PLXDC2: variants seen among roughly 807,000 people sequenced by gnomAD.
The protein encoded by PLXDC2 is plexin domain-containing protein 2.
PLXDC2 carries 40 observed loss-of-function variants against 68.9 expected under a neutral mutation model. That is an observed-to-expected ratio of 0.58 (90% CI 0.45 to 0.76). The LOEUF (loss-of-function observed/expected upper bound fraction) is 0.76. Ranked by LOEUF, PLXDC2 falls within the 30% of genes least tolerant of loss-of-function variation. PLXDC2 has a pLI of 0.00. For missense variants in PLXDC2, 644 were observed against 661.9 expected, an observed-to-expected ratio of 0.97 and a Z score of 0.30; for synonymous variants, 243 against 234.2, an observed-to-expected ratio of 1.04 and a Z score of -0.34.
chr10:20,122,056 G>C (rs1242689351), intron 4 of PLXDC2, among the ~76,000 whole-genome samples: 1 of 151,854 alleles, frequency 6.6e-6, no homozygotes, highest in Non-Finnish European at 1.5e-5. Flanking sequence ...CTTTGGATTG[G>C]GAAGAAGGGC....
intron 1 of PLXDC2, among the ~76,000 whole-genome samples, chr10:19,984,224 A>G (rs1485575653): frequency 6.6e-6 from 1 of 152,154 alleles, no homozygotes; most frequent in Non-Finnish European, 1.5e-5. Context: ...TGGCCACTCC[A>G]GTAAGAGGTC....
chr10:20,274,402 G>T (rs1356223934), intron 13 of PLXDC2, among the ~76,000 whole-genome samples: 1 of 152,116 alleles, frequency 6.6e-6, no homozygotes, highest in Non-Finnish European at 1.5e-5. Context: ...ATATGCTTGG[G>T]AACAGTTTTC....
At chr10:20,160,894 C>T (rs1305347093) in intron 6 of PLXDC2, among the ~76,000 whole-genome samples, 1 of 152,064 alleles carries the variant, frequency 6.6e-6, no homozygotes, top group Non-Finnish European at 1.5e-5. Context: ...GAGGCTGAGG[C>T]AGGAGTATTG....
At chr10:20,108,315 C>G (rs1282612734) in intron 4 of PLXDC2, among the ~76,000 whole-genome samples, 1 of 152,094 alleles carries the variant, frequency 6.6e-6, no homozygotes. Context: ...TACCACATAC[C>G]AATTTTCCTT....
intron 4 of PLXDC2, among the ~76,000 whole-genome samples, chr10:20,077,113 C>A (rs1027240373): frequency 6.6e-6 from 1 of 152,096 alleles, no homozygotes; most frequent in Admixed American, 6.5e-5. Context: ...GGTAAGATGA[C>A]TGGGATGAGA....
At chr10:20,190,626 G>A (rs1412841207) in intron 9 of PLXDC2, among the ~76,000 whole-genome samples, 3 of 150,790 alleles carry the variant, frequency 2.0e-5, no homozygotes, top group African/African-American at 7.3e-5. Flanking sequence ...TATAAACTGA[G>A]TATTGAGTAT....
At chr10:19,818,612 C>CGGG (rs1236075445) in intron 1 of PLXDC2, among the ~76,000 whole-genome samples, 7 of 152,058 alleles carry the variant, frequency 4.6e-5, no homozygotes, top group African/African-American at 1.7e-4. Context: ...TGGGTGTTGA[C>CGGG]TTGTCTTTGT....
intron 5 of PLXDC2, among the ~76,000 whole-genome samples, chr10:20,145,255 T>C (rs554995185): frequency 1.3e-5 from 2 of 152,344 alleles, no homozygotes; most frequent in Admixed American, 6.5e-5. Context: ...TTGAGGAATA[T>C]TGAGTTCAAA....
chr10:19,956,375 A>T (rs776895429), intron 1 of PLXDC2, among the ~76,000 whole-genome samples: 1 of 152,190 alleles, frequency 6.6e-6, no homozygotes, highest in Non-Finnish European at 1.5e-5. Flanking sequence ...AACATTTTGG[A>T]TCTGACAGGT....
At chr10:19,845,499 G>C (rs1304498411) in intron 1 of PLXDC2, among the ~76,000 whole-genome samples, 4 of 152,160 alleles carry the variant, frequency 2.6e-5, no homozygotes, top group Non-Finnish European at 5.9e-5. Context: ...GCCATGTCAG[G>C]AGTGACCAAA....
chr10:19,915,909 G>A (rs142635224), intron 1 of PLXDC2, among the ~76,000 whole-genome samples: 107 of 152,042 alleles, frequency 7.0e-4, no homozygotes, highest in African/African-American at 2.5e-3. Flanking sequence ...TGTAGCCTCT[G>A]CAACTTGCTG....
intron 1 of PLXDC2, among the ~76,000 whole-genome samples, chr10:19,817,486 T>G (rs1482572372): frequency 6.6e-6 from 1 of 152,124 alleles, no homozygotes; most frequent in Non-Finnish European, 1.5e-5. Flanking sequence ...GAGCAAAGCT[T>G]CTTCCGTGGA....
chr10:19,841,704 GATTAA>G (rs1196663513), intron 1 of PLXDC2, among the ~76,000 whole-genome samples: 2 of 151,962 alleles, frequency 1.3e-5, no homozygotes, highest in Non-Finnish European at 2.9e-5. Flanking sequence ...TGACTTTGAG[GATTAA>G]ATTAGTTAAT....
At chr10:19,917,765 C>G (rs1833395503) in intron 1 of PLXDC2, among the ~76,000 whole-genome samples, 2 of 152,068 alleles carry the variant, frequency 1.3e-5, no homozygotes, top group Non-Finnish European at 2.9e-5. Context: ...TATTTAAAAC[C>G]TACTCATCTG....
At position 19,912,207 on chromosome 10, in the gene PLXDC2, G is replaced by GT. The variant is rs555557435; in HGVS notation, c.113-89560dup. Among the ~76,000 whole-genome samples, 569 of 151,834 alleles carry GT rather than the reference G, an allele frequency of 3.7e-3. 3 individuals carry two copies. The highest frequency in any genetic ancestry group is 5.7e-3 in the Non-Finnish European group (385 of 67,922). ...GCTGCTGAATGCTTTATCTTAGTGG[G>GT]TTTTTTTTGCCTGTTTTTCTATAAG... is the stretch of plus-strand genomic sequence containing the variant. On this transcript the variant is annotated intron_variant, in intron 1 of 13. Transcript: ENST00000377252.
intron 9 of PLXDC2, among the ~76,000 whole-genome samples, chr10:20,206,152 TA>T (rs1466039490): frequency 1.3e-5 from 2 of 152,006 alleles, no homozygotes; most frequent in Non-Finnish European, 2.9e-5. Context: ...TATACAATTA[TA>T]ATATGTCAAC....
At chr10:20,054,852 AT>A (rs1308293693) in intron 3 of PLXDC2, among the ~76,000 whole-genome samples, 1 of 152,044 alleles carries the variant, frequency 6.6e-6, no homozygotes, top group Non-Finnish European at 1.5e-5. Flanking sequence ...TTAAAGTATA[AT>A]AATAAAAAAA....
chr10:20,128,980 C>T (rs772320708), intron 4 of PLXDC2, among the ~76,000 whole-genome samples: 1 of 152,180 alleles, frequency 6.6e-6, no homozygotes. Context: ...ACTGATTTCA[C>T]TTCCTCCGGA....
intron 1 of PLXDC2, among the ~76,000 whole-genome samples, chr10:19,849,758 GACT>G: frequency 6.6e-6 from 1 of 152,130 alleles, no homozygotes; most frequent in East Asian, 1.9e-4. Context: ...TGTGAGAACA[GACT>G]AATACAGTAC....
Sources: gnomAD v4.1 joint callset for allele counts (sites outside exome capture counted in the v4.1 genomes callset) on GRCh38, gnomAD v4.1.1 for gene constraint, MANE v1.5 for transcripts, NCBI Gene and HGNC (gene_info 2026-07-23, HGNC 2026-07-21) for gene names.